Variants in TRIB2 observed in about 807,000 individuals in gnomAD.
The protein encoded by TRIB2 is tribbles pseudokinase 2, also known as tribbles homolog 2.
In TRIB2, 2 loss-of-function variants were observed where a neutral mutation model predicts 26.8. The observed-to-expected ratio is 0.07, with a 90% CI of 0.03 to 0.24. The LOEUF is 0.24. Among genes scored for constraint, TRIB2 ranks in the 10% least tolerant of loss-of-function variants. The pLI is 1.00. For missense variants in TRIB2, 306 were observed against 449.0 expected (o/e 0.68, Z 2.88); for synonymous variants, 189 against 187.3 (o/e 1.01, Z -0.08).
At chr2:12,719,018 T>C (rs749256605) in intron 1 of TRIB2, among the ~76,000 whole-genome samples, 1 of 152,202 alleles carries the variant, frequency 6.6e-6, no homozygotes, top group Non-Finnish European at 1.5e-5. Flanking sequence ...GGGCAGGTGT[T>C]AAACCTTTGT....
intron 2 of TRIB2, among the ~76,000 whole-genome samples, chr2:12,725,277 C>A (rs74871467): frequency 1.3e-5 from 2 of 152,286 alleles, no homozygotes; most frequent in East Asian, 1.9e-4. Context: ...AGGGATAGGA[C>A]CCCCATAGTG....
intron 2 of TRIB2, among the ~76,000 whole-genome samples, chr2:12,735,136 C>T (rs1268805214): frequency 1.3e-5 from 2 of 152,200 alleles, no homozygotes; most frequent in Non-Finnish European, 2.9e-5. Context: ...GAAAGGTCCT[C>T]GTTGAAAGAC....
chr2:12,739,856 C>T (rs934483171), intron 2 of TRIB2, among the ~76,000 whole-genome samples: 1 of 152,132 alleles, frequency 6.6e-6, no homozygotes, highest in Non-Finnish European at 1.5e-5. Context: ...GGTGAAAGGT[C>T]TTTGTGGACT....
rs1431969165 is a variant in TRIB2 at position 12,717,720 on chromosome 2, C to A, written c.-588C>A. 5.3e-6 allele frequency: 2 copies of A among 380,718 alleles called. No homozygotes were observed. Among genetic ancestry groups the A allele is most frequent in the East Asian group, 3.7e-5 (1 of 26,796 alleles). 23.6% of individuals were successfully genotyped at this position (380,718 alleles called of 1,614,324 possible). A position where few individuals can be genotyped will look rare whatever the true frequency, so the allele number is the denominator to read the frequency against. ...TGCCCTCTCCCGCACCCCCCCCTTA[C>A]ACGCCCCCCACCCTTTCCACCAAAA... On this transcript the variant is annotated 5_prime_UTR_variant, in exon 1 of 3. Transcript: ENST00000155926. The surrounding 1 kb of genome is among the most constrained non-coding windows in gnomAD (Gnocchi z 4.8).
intron 1 of TRIB2, among the ~76,000 whole-genome samples, chr2:12,719,331 G>A (rs963895320): frequency 3.9e-5 from 6 of 152,000 alleles, no homozygotes; most frequent in African/African-American, 7.3e-5. Context: ...GAGCCCTAGG[G>A]ATCCGCAGTG....
chr2:12,723,341 G>C lies in TRIB2; in HGVS notation c.352G>C (p.Glu118Gln). Reference protein sequence around the residue: ...SAHSNINQITEIILGETKAYV... With the variant: ...SAHSNINQITQIILGETKAYV... ...TCATAGTAACATCAACCAAATCACT[G>C]AAATTATCCTGGGTGAGACCAAAGC... The change falls in exon 2 of 3, where the codon GAA becomes CAA. Residue 118 changes from glutamate (E) to glutamine (Q), a missense_variant. Transcript: ENST00000155926. The C allele has an allele frequency of 6.2e-7, 1 of 1,614,228 alleles. No individual in the cohort carries two copies. The highest frequency in any genetic ancestry group is 1.7e-5 in the Admixed American group (1 of 60,030).
rs1661698190 is a variant in TRIB2 at position 12,740,895 on chromosome 2, A to T, written c.*101A>T. The T allele has an allele frequency of 9.0e-7, 1 of 1,115,848 alleles. No homozygotes were observed. Among genetic ancestry groups the T allele is most frequent in the African/African-American group, 1.6e-5 (1 of 64,232 alleles). 69.1% of individuals were successfully genotyped at this position (1,115,848 alleles called of 1,614,324 possible). The stretch of plus-strand genomic sequence containing the variant: ...GAATTGCCTGGCTGAGTAGCAAGAA[A>T]GACACACTCTTAAGTTTCTTGGTTC... On this transcript the variant is annotated 3_prime_UTR_variant, in exon 3 of 3. Coordinates refer to ENST00000155926, the MANE Select transcript of TRIB2 (RefSeq NM_021643.4). This position sits in a 1 kb window ranked among gnomAD's most constrained non-coding sequence, Gnocchi z 5.8.
intron 2 of TRIB2, among the ~76,000 whole-genome samples, chr2:12,725,186 G>A (rs1008157061): frequency 3.3e-5 from 5 of 152,240 alleles, no homozygotes; most frequent in South Asian, 2.1e-4. Context: ...GCAGGGATCT[G>A]TGTTTTTAAG....
intron 2 of TRIB2, among the ~76,000 whole-genome samples, chr2:12,734,892 A>T (rs1169485983): frequency 6.6e-6 from 1 of 152,180 alleles, no homozygotes; most frequent in African/African-American, 2.4e-5. Context: ...CCATTGCAAG[A>T]CTGTTCATTC....
chr2:12,724,757 C>T lies in TRIB2; in HGVS notation c.563+1205C>T. The stretch of plus-strand genomic sequence containing the variant: ...AGCCTCATATTTCTCCTTCTGTTAC[C>T]TTCTGTATGCTGTATTGGCTCTAAG... On this transcript the variant is annotated intron_variant, in intron 2 of 2. Coordinates refer to ENST00000155926, the MANE Select transcript of TRIB2 (RefSeq NM_021643.4). 2.5e-6 allele frequency: 4 copies of T among 1,612,788 alleles called. 1 individual carries two copies. The highest frequency in any genetic ancestry group is 3.4e-6 in the Non-Finnish European group (4 of 1,179,878).
intron 2 of TRIB2, among the ~76,000 whole-genome samples, chr2:12,738,097 A>G (rs34392899): frequency 1.3e-5 from 2 of 151,916 alleles, no homozygotes; most frequent in African/African-American, 2.4e-5. Context: ...AATATGAGGC[A>G]TTAGAGTCAA....
At chr2:12,724,263 AGGTCTT>A (rs1423646179) in intron 2 of TRIB2, among the ~76,000 whole-genome samples, 2 of 152,234 alleles carry the variant, frequency 1.3e-5, no homozygotes, top group Non-Finnish European at 2.9e-5. Context: ...GGCAGTGCAG[AGGTCTT>A]GGTTATTGGA....
chr2:12,730,602 T>G (rs1661432692), intron 2 of TRIB2, among the ~76,000 whole-genome samples: 2 of 152,200 alleles, frequency 1.3e-5, no homozygotes, highest in Non-Finnish European at 1.5e-5. Flanking sequence ...GTGGGTTTTT[T>G]TTGTTTTGTT....
intron 2 of TRIB2, 59 bp downstream of exon 2, chr2:12,723,611 C>T: frequency 1.3e-6 from 2 of 1,547,760 alleles, no homozygotes; most frequent in Non-Finnish European, 1.7e-6. Context: ...ACAACAGCTT[C>T]CTAGAAAAGT....
Position 12,741,756 on chromosome 2 carries a change from A to G in TRIB2, c.*962A>G, listed in dbSNP as rs1572487835. 6.5e-6 allele frequency: 1 copy of G among 152,794 alleles called. No individual in the cohort carries two copies. Among genetic ancestry groups the G allele is most frequent in the African/African-American group, 2.4e-5 (1 of 41,586 alleles). The allele number at this position is 152,794 out of a possible 1,614,324, so 9.5% of individuals were successfully genotyped here. A position where few individuals can be genotyped will look rare whatever the true frequency, so the allele number is the denominator to read the frequency against. On this transcript the variant is annotated 3_prime_UTR_variant, in exon 3 of 3. Transcript: ENST00000155926. ...AAACATTTGTCTTTGTTTTATTAGA[A>G]ACTAGTGAAACAAAGCAGGTTGTCC...
Position 12,742,512 on chromosome 2 carries a change from A to T in TRIB2, c.*1718A>T, listed in dbSNP as rs1661733119. The T allele has an allele frequency of 6.6e-6, 1 of 150,930 alleles. No individual in the cohort carries two copies. The highest frequency in any genetic ancestry group is 2.1e-4 in the South Asian group (1 of 4,814). 9.3% of individuals were successfully genotyped at this position (150,930 alleles called of 1,614,324 possible). ...ATTCTATTTTGCTAATGGAAGATAG[A>T]AAGGAGAGAAGGTTTTTTTTTTTTT... is the stretch of plus-strand genomic sequence containing the variant. On this transcript the variant is annotated 3_prime_UTR_variant, in exon 3 of 3. Coordinates refer to ENST00000155926, the MANE Select transcript of TRIB2 (RefSeq NM_021643.4).
In TRIB2 at chr2:12,718,898, G is replaced by A. The variant is rs574652896; in HGVS notation, c.270+321G>A. ...GAGGCCGGGTCCCGCTGCCCGGGGG[G>A]GATTTCTTCCTGTGTCTAGCCCCCT... On this transcript the variant is annotated intron_variant, in intron 1 of 2. Transcript: ENST00000155926. The surrounding 1 kb of genome is among the most constrained non-coding windows in gnomAD (Gnocchi z 4.0). Among the ~76,000 whole-genome samples the A allele has an allele frequency of 6.6e-6, 1 of 152,034 alleles. No homozygotes were observed. The highest frequency in any genetic ancestry group is 1.5e-5 in the Non-Finnish European group (1 of 68,010).
intron 1 of TRIB2, among the ~76,000 whole-genome samples, chr2:12,721,896 G>A (rs1005778284): frequency 5.9e-5 from 9 of 152,210 alleles, no homozygotes; most frequent in African/African-American, 1.7e-4. Flanking sequence ...CAGAAAGCCC[G>A]TGAATCCCCT....
intron 2 of TRIB2, chr2:12,737,458 T>C (rs1661606455): frequency 6.5e-6 from 1 of 154,822 alleles, no homozygotes; most frequent in East Asian, 1.9e-4. Flanking sequence ...CCCTTGGGTT[T>C]CACCTTTTCA....
Sources: gnomAD v4.1 joint callset for allele counts (sites outside exome capture counted in the v4.1 genomes callset) on GRCh38, gnomAD v4.1.1 for gene constraint, Gnocchi (gnomAD v3.1) non-coding constraint, MANE v1.5 for transcripts, NCBI Gene and HGNC (gene_info 2026-07-23, HGNC 2026-07-21) for gene names.